CFAP95: variants seen among roughly 807,000 people sequenced by gnomAD.
CFAP95 encodes the protein cilia- and flagella-associated protein 95.
the CFAP95 span, among the ~76,000 whole-genome samples, chr9:69,839,677 T>G: frequency 6.6e-6 from 1 of 151,544 alleles, no homozygotes; most frequent in African/African-American, 2.4e-5. Context: ...TCCGCCTGCC[T>G]CAGCCTCCCA....
chr9:69,880,011 G>T, the CFAP95 span, among the ~76,000 whole-genome samples: 1 of 147,726 alleles, frequency 6.8e-6, no homozygotes, highest in Non-Finnish European at 1.5e-5. Context: ...TTTAATTTTT[G>T]TGGGTACATA....
At chr9:69,855,982 G>A in the CFAP95 span, among the ~76,000 whole-genome samples, 1 of 152,126 alleles carries the variant, frequency 6.6e-6, no homozygotes, top group Non-Finnish European at 1.5e-5. Context: ...TGATCTTCTA[G>A]AGTTTTGTAT....
At chr9:69,881,517 G>A in the CFAP95 span, among the ~76,000 whole-genome samples, 2,963 of 152,144 alleles carry the variant, frequency 0.019, 79 homozygotes, top group African/African-American at 0.068. Context: ...TGTTCCATTG[G>A]TCTGTGTGTC....
chr9:69,879,875 TG>T, the CFAP95 span, among the ~76,000 whole-genome samples: 2 of 39,824 alleles, frequency 5.0e-5, no homozygotes, highest in Non-Finnish European at 1.5e-4. Context: ...GGTAACTTTT[TG>T]TTTTTTTTTT....
At chr9:69,859,025 T>C in the CFAP95 span, among the ~76,000 whole-genome samples, 1 of 152,234 alleles carries the variant, frequency 6.6e-6, no homozygotes, top group African/African-American at 2.4e-5. Flanking sequence ...CAAGTTAATA[T>C]ATGTCAAACA....
chr9:69,830,076 T>C, the CFAP95 span, among the ~76,000 whole-genome samples: 1 of 152,194 alleles, frequency 6.6e-6, no homozygotes, highest in Non-Finnish European at 1.5e-5. Flanking sequence ...CAGGTCTTAC[T>C]GTGTTTCCCC....
chr9:69,842,412 C>A, the CFAP95 span, among the ~76,000 whole-genome samples: 11 of 152,266 alleles, frequency 7.2e-5, no homozygotes, highest in East Asian at 1.5e-3. Flanking sequence ...GACCAATATT[C>A]CGGTTTTTCC....
chr9:69,902,184 G>T, the CFAP95 span: 2 of 355,642 alleles, frequency 5.6e-6, no homozygotes, highest in South Asian at 4.4e-5. Context: ...TGGGAAAATT[G>T]GCACATAATG....
the CFAP95 span, among the ~76,000 whole-genome samples, chr9:69,837,976 T>C: frequency 1.3e-5 from 2 of 152,236 alleles, no homozygotes; most frequent in Non-Finnish European, 2.9e-5. Context: ...CAGCACCATT[T>C]ATTAAACAGG....
the CFAP95 span, among the ~76,000 whole-genome samples, chr9:69,849,813 G>A: frequency 2.0e-5 from 3 of 152,150 alleles, no homozygotes; most frequent in South Asian, 4.1e-4. Flanking sequence ...AGATTCACAG[G>A]AGAACAGCAA....
At chr9:69,874,348 A>G in the CFAP95 span, among the ~76,000 whole-genome samples, 1 of 152,178 alleles carries the variant, frequency 6.6e-6, no homozygotes, top group African/African-American at 2.4e-5. Flanking sequence ...AAGCCAAACA[A>G]TCATCAGAAT....
the CFAP95 span, among the ~76,000 whole-genome samples, chr9:69,869,742 T>TAA: frequency 2.1e-3 from 308 of 149,894 alleles, 2 homozygotes; most frequent in Admixed American, 3.8e-3. Flanking sequence ...TTCAAAATAA[T>TAA]AAAAAAAAAC....
chr9:69,881,949 A>G, the CFAP95 span, among the ~76,000 whole-genome samples: 2 of 145,626 alleles, frequency 1.4e-5, no homozygotes, highest in Admixed American at 1.4e-4. Flanking sequence ...TTTTTTTTAA[A>G]TTTCTTTTTC....
the CFAP95 span, among the ~76,000 whole-genome samples, chr9:69,835,517 C>T: frequency 6.6e-6 from 1 of 152,322 alleles, no homozygotes; most frequent in African/African-American, 2.4e-5. Context: ...TCCCTCTTTA[C>T]GTGTGCTTTT....
chr9:69,835,920 C>T, the CFAP95 span, among the ~76,000 whole-genome samples: 2 of 152,164 alleles, frequency 1.3e-5, no homozygotes, highest in Admixed American at 6.5e-5. Flanking sequence ...ACGACCTAAT[C>T]CCACCCTCTC....
chr9:69,872,208 C>T, the CFAP95 span, among the ~76,000 whole-genome samples: 2 of 152,196 alleles, frequency 1.3e-5, no homozygotes, highest in African/African-American at 4.8e-5. Context: ...CTAAATACTA[C>T]ATTGCATCAT....
the CFAP95 span, among the ~76,000 whole-genome samples, chr9:69,826,926 C>T: frequency 1.3e-5 from 2 of 152,124 alleles, no homozygotes; most frequent in Admixed American, 6.5e-5. Flanking sequence ...TAAAAGACTA[C>T]AGTATAGTAC....
chr9:69,902,508 A>G, the CFAP95 span: 1 of 295,528 alleles, frequency 3.4e-6, no homozygotes, highest in East Asian at 1.1e-4. Context: ...CGGTGGTTAT[A>G]TACATGGAAA....
the CFAP95 span, among the ~76,000 whole-genome samples, chr9:69,890,475 A>G: frequency 6.6e-6 from 1 of 152,240 alleles, no homozygotes; most frequent in African/African-American, 2.4e-5. Context: ...TGACATTGTT[A>G]TTGGATACAA....
Sources: allele counts gnomAD v4.1 joint callset (sites outside exome capture counted in the v4.1 genomes callset), GRCh38; gene constraint gnomAD v4.1.1; transcripts MANE v1.5; gene names NCBI Gene and HGNC (gene_info 2026-07-23, HGNC 2026-07-21).